Variants in ZPBP observed in about 807,000 individuals in gnomAD.
ZPBP encodes the protein zona pellucida-binding protein 1.
In ZPBP, 26 loss-of-function variants were observed where a neutral mutation model predicts 44.8. The ratio of observed to expected loss-of-function variants is 0.58; its 90% CI spans 0.43 to 0.81. The LOEUF is 0.81. Among genes scored for constraint, ZPBP ranks in the 30% least tolerant of loss-of-function variants. The pLI is 0.00. For missense variants in ZPBP, 409 were observed against 434.0 expected, an observed-to-expected ratio of 0.94 and a Z score of 0.51; for synonymous variants, 174 against 153.2, an observed-to-expected ratio of 1.14 and a Z score of -1.00.
chr7:49,877,817 CT>C (rs1412438632), intron 2 of ZPBP, among the ~76,000 whole-genome samples: 1 of 151,810 alleles, frequency 6.6e-6, no homozygotes, highest in African/African-American at 2.4e-5. Flanking sequence ...AAGGAGTAGT[CT>C]CCAAGGCTAC....
chr7:49,962,103 A>G (rs1795884015), intron 7 of ZPBP, among the ~76,000 whole-genome samples: 1 of 151,958 alleles, frequency 6.6e-6, no homozygotes, highest in South Asian at 2.1e-4. Flanking sequence ...TTTTACATAA[A>G]CCATTTAAGA....
At position 50,031,107 on chromosome 7, in the gene ZPBP, A is replaced by G; in HGVS notation, c.691T>C (p.Phe231Leu). 1.9e-6 allele frequency: 3 copies of G among 1,613,538 alleles called. No individual in the cohort carries two copies. Among genetic ancestry groups the G allele is most frequent in the South Asian group, 1.1e-5 (1 of 91,066 alleles). ...ATAGACTTACCTGAAAATGCAAAGAACAATTCATTTTGCAAACCAGCTCTT... is the reference window on the plus strand; with the variant it reads ...ATAGACTTACCTGAAAATGCAAAGAGCAATTCATTTTGCAAACCAGCTCTT... ...MQRAGLQNEL[F>L]FAFSVSSLDT... is the part of the protein sequence containing the mutation. Residue 231 changes from phenylalanine to leucine, a missense_variant, in exon 5 of 8, where the codon TTC becomes CTC. Phe to Leu is a conservative substitution (Grantham distance 22). Transcript: ENST00000046087.
intron 2 of ZPBP, among the ~76,000 whole-genome samples, chr7:49,883,421 A>G (rs775267555): frequency 2.8e-4 from 43 of 152,198 alleles, no homozygotes; most frequent in Non-Finnish European, 5.4e-4. Context: ...AAAAAGGTGA[A>G]TTATGTTCTC....
intron 4 of ZPBP, among the ~76,000 whole-genome samples, chr7:50,050,867 TA>T (rs1415741295): frequency 7.7e-6 from 1 of 129,664 alleles, no homozygotes; most frequent in East Asian, 2.4e-4. Flanking sequence ...ATTCAGGACA[TA>T]GGCACAGGCA....
intron 7 of ZPBP, among the ~76,000 whole-genome samples, chr7:49,979,495 C>T (rs759486722): frequency 1.3e-4 from 20 of 151,702 alleles, no homozygotes; most frequent in Admixed American, 9.2e-4. Flanking sequence ...TAGTGTAGTA[C>T]ATAATAAGTT....
At chr7:50,086,829 C>T (rs1447514274) in intron 2 of ZPBP, among the ~76,000 whole-genome samples, 1 of 151,796 alleles carries the variant, frequency 6.6e-6, no homozygotes, top group East Asian at 1.9e-4. Flanking sequence ...ATCCACGTAT[C>T]CAAGAATTCA....
At chr7:49,941,963 C>G (rs1794904463) in intron 7 of ZPBP, among the ~76,000 whole-genome samples, 1 of 152,054 alleles carries the variant, frequency 6.6e-6, no homozygotes, top group Admixed American at 6.6e-5. Context: ...TCCTTGCATA[C>G]AGGGACAAAT....
rs1240521732 is a variant in ZPBP at position 49,981,640 on chromosome 7, TA to T, written c.961+1701del. On this transcript the variant is annotated intron_variant, in intron 7 of 7. Coordinates refer to ENST00000046087, the MANE Select transcript of ZPBP (RefSeq NM_007009.3). ...TATTATATTATATTATATTATATAT[TA>T]TATAATATCTTGATATAAAATATAT... Among the ~76,000 whole-genome samples the T allele has an allele frequency of 2.1e-5, 2 of 93,982 alleles. 1 individual carries two copies. Among genetic ancestry groups the T allele is most frequent in the Non-Finnish European group, 3.7e-5 (2 of 53,844 alleles). 61.7% of individuals were successfully genotyped at this position (93,982 alleles called of 152,430 possible).
chr7:49,981,622 T>TATTATGTTA (rs1562820285), intron 7 of ZPBP, among the ~76,000 whole-genome samples: 3 of 9,536 alleles, frequency 3.1e-4, no homozygotes, highest in African/African-American at 1.5e-3. Context: ...TTATATTATA[T>TATTATGTTA]TATATTATAT....
At chr7:50,023,254 C>A (rs1280773647) in intron 5 of ZPBP, among the ~76,000 whole-genome samples, 1 of 152,076 alleles carries the variant, frequency 6.6e-6, no homozygotes, top group Non-Finnish European at 1.5e-5. Flanking sequence ...GCGAAGGACT[C>A]AGGCTCTCTG....
chr7:50,081,631 T>C (rs1802359317), intron 3 of ZPBP, 143 bp downstream of exon 3: 30 of 1,001,352 alleles, frequency 3.0e-5, no homozygotes, highest in Non-Finnish European at 4.4e-5. Context: ...CTATCTACAT[T>C]GTTAGCTCTA....
chr7:49,924,018 G>A (rs1305890735), intron 1 of ZPBP, among the ~76,000 whole-genome samples: 1 of 152,158 alleles, frequency 6.6e-6, no homozygotes, highest in Admixed American at 6.5e-5. Context: ...AGCTACTTGG[G>A]AGGCTGGGGC....
chr7:49,989,051 G>A (rs1797445667), intron 6 of ZPBP, among the ~76,000 whole-genome samples: 1 of 152,150 alleles, frequency 6.6e-6, no homozygotes. Flanking sequence ...AACTAGTTCT[G>A]AGTATTCTTA....
intron 3 of ZPBP, among the ~76,000 whole-genome samples, chr7:50,075,381 C>T (rs1354153897): frequency 6.6e-6 from 1 of 151,556 alleles, no homozygotes; most frequent in African/African-American, 2.4e-5. Flanking sequence ...CAAGAGCAAA[C>T]CAAACCCAAA....
rs1562747813 is a variant in ZPBP at position 49,877,485 on chromosome 7, T to TATAC, written n.509+23632_509+23633insGTAT. On this transcript the variant is annotated intron_variant and non_coding_transcript_variant, in intron 2 of 2. Coordinates refer to the ZPBP transcript ENST00000465922. ...CTCAAAAAAAAAAAAAAAAAAAATA[T>TATAC]ATATATATATATATATATATATATA... Among the ~76,000 whole-genome samples the TATAC allele has an allele frequency of 4.7e-4, 7 of 14,934 alleles. 2 individuals carry two copies. Among genetic ancestry groups the TATAC allele is most frequent in the Admixed American group, 9.8e-4 (1 of 1,020 alleles). 9.8% of individuals were successfully genotyped at this position (14,934 alleles called of 152,430 possible).
intron 3 of ZPBP, among the ~76,000 whole-genome samples, chr7:50,060,151 T>C (rs1468867376): frequency 6.6e-6 from 1 of 152,100 alleles, no homozygotes; most frequent in Non-Finnish European, 1.5e-5. Flanking sequence ...TCTGGAATCC[T>C]AGCTACAGGA....
At chr7:49,896,936 C>A (rs1034742101) in intron 2 of ZPBP, among the ~76,000 whole-genome samples, 1 of 142,076 alleles carries the variant, frequency 7.0e-6, no homozygotes, top group African/African-American at 2.6e-5. Context: ...TCGCCCAGGC[C>A]GGACTGCAGA....
chr7:50,023,309 C>A (rs1360562725), intron 5 of ZPBP, among the ~76,000 whole-genome samples: 2 of 152,054 alleles, frequency 1.3e-5, no homozygotes, highest in Admixed American at 6.6e-5. Context: ...GCTTACCCCC[C>A]ATACATGCAT....
At chr7:50,033,081 T>A (rs1179012518) in intron 4 of ZPBP, among the ~76,000 whole-genome samples, 1 of 152,180 alleles carries the variant, frequency 6.6e-6, no homozygotes, top group Non-Finnish European at 1.5e-5. Context: ...ATTACTTTTT[T>A]TTTTCCAGAG....
Sources: allele counts gnomAD v4.1 joint callset (sites outside exome capture counted in the v4.1 genomes callset), GRCh38; gene constraint gnomAD v4.1.1; transcripts MANE v1.5; gene names NCBI Gene and HGNC (gene_info 2026-07-23, HGNC 2026-07-21).